Variants in CCDC144A observed in about 807,000 individuals in gnomAD.
CCDC144A encodes the protein coiled-coil domain containing 144A.
A neutral mutation model predicts 143.8 loss-of-function variants in CCDC144A; 41 were observed. The ratio of observed to expected loss-of-function variants is 0.29; its 90% CI spans 0.22 to 0.37. The LOEUF (loss-of-function observed/expected upper bound fraction) is 0.37, where lower values mean the gene tolerates loss of function less well. Among genes scored for constraint, CCDC144A ranks in the 10% least tolerant of loss-of-function variants. CCDC144A has a pLI of 1.00. For missense variants in CCDC144A, 637 were observed against 1,488.8 expected (o/e 0.43, Z 9.41); for synonymous variants, 242 against 517.9 (o/e 0.47, Z 7.23).
intron 6 of CCDC144A, among the ~76,000 whole-genome samples, chr17:16,713,393 AAC>A (rs1322845620): frequency 6.6e-6 from 1 of 152,046 alleles, no homozygotes; most frequent in African/African-American, 2.4e-5. Flanking sequence ...TTCAGTAGGA[AAC>A]ACACCATATT....
chr17:16,761,233 G>A (rs1381966182), intron 12 of CCDC144A, among the ~76,000 whole-genome samples, 192 bp from the exon 13 acceptor site: 1 of 151,870 alleles, frequency 6.6e-6, no homozygotes, highest in African/African-American at 2.4e-5. Flanking sequence ...AGCTACTCCA[G>A]CTACGCAGGA....
At chr17:16,668,462 C>T in the CCDC144A span, among the ~76,000 whole-genome samples, 8 of 152,216 alleles carry the variant, frequency 5.3e-5, no homozygotes, top group African/African-American at 1.2e-4. Context: ...AAAACTACTT[C>T]GTTATGAAGA....
Position 16,690,325 on chromosome 17 carries a change from C to T in CCDC144A, c.-76C>T. On this transcript the variant is annotated 5_prime_UTR_variant, in exon 1 of 17. Transcript: ENST00000399273. ...GCTTGGCTTGGCATTTCTGGCTTGG[C>T]GGTCCTCCTTTCGCAGATTGGAAAC... is the stretch of plus-strand genomic sequence containing the variant. 3.4e-6 allele frequency: 4 copies of T among 1,184,006 alleles called. No homozygotes were observed. Among genetic ancestry groups the T allele is most frequent in the African/African-American group, 1.5e-5 (1 of 64,806 alleles). 73.3% of individuals were successfully genotyped at this position (1,184,006 alleles called of 1,614,324 possible).
At chr17:16,698,549 G>C (rs1040137224) in intron 2 of CCDC144A, among the ~76,000 whole-genome samples, 1 of 152,104 alleles carries the variant, frequency 6.6e-6, no homozygotes, top group Non-Finnish European at 1.5e-5. Context: ...GTGAGTTAAT[G>C]TACCACCATT....
rs147844859 is a variant in CCDC144A, at chr17:16,769,311, G to A, written c.4099-2666G>A. Among the ~76,000 whole-genome samples, 31 of 152,356 alleles carry A rather than the reference G, an allele frequency of 2.0e-4. No homozygotes were observed. In the East Asian group the frequency reaches 5.8e-3, roughly 28 times the overall value. On this transcript the variant is annotated intron_variant, in intron 15 of 16. Coordinates refer to ENST00000399273, the MANE Select transcript of CCDC144A (RefSeq NM_001382000.1). ...CAAGAGGAAGCTGTAGGTAGAGAGA[G>A]TCTAAGTCCTCATTTGAAACCTGAG...
intron 1 of CCDC144A, 54 bp downstream of exon 1, chr17:16,690,798 G>A (rs1911019842): frequency 6.5e-7 from 1 of 1,527,738 alleles, no homozygotes; most frequent in Non-Finnish European, 8.8e-7. Flanking sequence ...GCTTTCTGGT[G>A]CCCGCAGGCC....
Position 16,771,963 on chromosome 17 carries a change from T to A in CCDC144A, c.4099-14T>A. ...TCTTCTTAAACGTTATAAATAATAT[T>A]TGACTTATTTCAGATGCAGCAGAAG... is the stretch of plus-strand genomic sequence containing the variant. On this transcript the variant is annotated splice_polypyrimidine_tract_variant and intron_variant, in intron 15 of 16. Coordinates refer to ENST00000399273, the MANE Select transcript of CCDC144A (RefSeq NM_001382000.1). 1.3e-6 allele frequency: 2 copies of A among 1,519,542 alleles called. No homozygotes were observed. The highest frequency in any genetic ancestry group is 1.8e-6 in the Non-Finnish European group (2 of 1,122,544). 94.1% of individuals were successfully genotyped at this position (1,519,542 alleles called of 1,614,324 possible).
chr17:16,721,017 T>G (rs1223591218), intron 8 of CCDC144A, among the ~76,000 whole-genome samples: 1 of 152,198 alleles, frequency 6.6e-6, no homozygotes, highest in Admixed American at 6.5e-5. Flanking sequence ...TAATGATAAA[T>G]TTTTAAAAAT....
At chr17:16,747,967 C>T (rs141738019) in intron 12 of CCDC144A, among the ~76,000 whole-genome samples, 3 of 152,226 alleles carry the variant, frequency 2.0e-5, no homozygotes, top group East Asian at 3.9e-4. Flanking sequence ...TGAATACATA[C>T]GGTGAGAGTG....
chr17:16,711,245 C>G (rs886257946), intron 5 of CCDC144A, among the ~76,000 whole-genome samples: 1 of 150,182 alleles, frequency 6.7e-6, no homozygotes, highest in African/African-American at 2.5e-5. Flanking sequence ...GTTGTATCCT[C>G]TCAATCTGGC....
rs550853338 is a variant in CCDC144A at position 16,764,159 on chromosome 17, A to T, written c.4082A>T (p.Glu1361Val). 1.2e-6 allele frequency: 2 copies of T among 1,603,518 alleles called. No homozygotes were observed. Among genetic ancestry groups the T allele is most frequent in the African/African-American group, 1.3e-5 (1 of 74,844 alleles). The change falls in exon 15 of 17, where the codon GAG becomes GTG. Residue 1361 changes from glutamate (E) to valine (V), a missense_variant. Coordinates refer to ENST00000399273, the MANE Select transcript of CCDC144A (RefSeq NM_001382000.1). ...AAGAGGTCTGCTCTTAAGGACATGGAGAGCTACTTGTTGAAGGTTAGCTAT... is the reference window on the plus strand; with the variant it reads ...AAGAGGTCTGCTCTTAAGGACATGGTGAGCTACTTGTTGAAGGTTAGCTAT... ...RKKRSALKDM[E>V]SYLLKMQQKL...
At chr17:16,724,434 C>A (rs1362379189) in intron 8 of CCDC144A, among the ~76,000 whole-genome samples, 1 of 149,184 alleles carries the variant, frequency 6.7e-6, no homozygotes, top group Non-Finnish European at 1.5e-5. Flanking sequence ...GGCGTGAACC[C>A]GGGAGGCGGA....
At chr17:16,759,497 T>A (rs2143359733) in intron 12 of CCDC144A, among the ~76,000 whole-genome samples, 1 of 152,144 alleles carries the variant, frequency 6.6e-6, no homozygotes, top group South Asian at 2.1e-4. Flanking sequence ...CTGGTTCTTT[T>A]ATATGTAGTA....
chr17:16,699,959 A>T (rs1333061548), intron 2 of CCDC144A, among the ~76,000 whole-genome samples: 5 of 152,166 alleles, frequency 3.3e-5, no homozygotes, highest in African/African-American at 4.8e-5. Context: ...TATTCTGTGA[A>T]ATTACCTTCT....
rs773392995 is a variant in CCDC144A at position 16,762,482 on chromosome 17, T to G, written c.3836T>G (p.Leu1279Arg). The change falls in exon 14 of 17, where the codon CTC (leucine) becomes CGC (arginine). Residue 1279 changes from leucine (L) to arginine (R), a missense_variant. Leu to Arg is a moderately radical substitution (Grantham distance 102, BLOSUM62 -2). Transcript: ENST00000399273. ...ACCGAATTGGAAAGATATAAGGAAC[T>G]CTACCTAGAAGAAGTGAAAGTTAGA... Reference protein sequence around the residue: ...NKTELERYKELYLEEVKVRES... With the variant: ...NKTELERYKERYLEEVKVRES... 6.3e-7 allele frequency: 1 copy of G among 1,594,954 alleles called. No individual in the cohort carries two copies. The highest frequency in any genetic ancestry group is 2.3e-5 in the East Asian group (1 of 43,688).
rs545470909 is a variant in CCDC144A, at chr17:16,752,235, G to A, written c.3373-9190G>A. On this transcript the variant is annotated intron_variant, in intron 12 of 16. Coordinates refer to ENST00000399273, the MANE Select transcript of CCDC144A (RefSeq NM_001382000.1). ...GCGAGCCGTGTTGTGAACTGTGCAC[G>A]TGAGGGATCTAGGTTGCGTGCTCCT... Among the ~76,000 whole-genome samples, 74 of 152,300 alleles carry A rather than the reference G, an allele frequency of 4.9e-4. No individual in the cohort carries two copies. In the Middle Eastern group the frequency reaches 0.017, roughly 35 times the overall value.
At chr17:16,745,717 G>C (rs987286756) in intron 12 of CCDC144A, 37 of 1,613,890 alleles carry the variant, frequency 2.3e-5, no homozygotes, top group Non-Finnish European at 2.9e-5. Context: ...TCTCGCGCTC[G>C]GAAGTGAGCT....
chr17:16,734,981 C>G lies in CCDC144A; in HGVS notation c.2710C>G (p.Gln904Glu). 1 of 1,607,464 alleles carries G rather than the reference C, an allele frequency of 6.2e-7. No homozygotes were observed. The highest frequency in any genetic ancestry group is 8.5e-7 in the Non-Finnish European group (1 of 1,177,608). Residue 904 changes from glutamine (Q) to glutamate (E), a missense_variant, in exon 12 of 17, where the codon CAG becomes GAG. Coordinates refer to ENST00000399273, the MANE Select transcript of CCDC144A (RefSeq NM_001382000.1). ...CAATTCTGAACTGGAGAATGGGAAA[C>G]AGAACCAAGAAAGACTAGAAATAGA... The part of the protein sequence containing the change: ...ILNSELENGK[Q>E]NQERLEIEME...
intron 6 of CCDC144A, chr17:16,712,075 AG>A: frequency 2.2e-6 from 1 of 447,266 alleles, no homozygotes; most frequent in Non-Finnish European, 4.1e-6. Context: ...GGTTGTGGTG[AG>A]CTGTGATCAT....
Sources: allele counts gnomAD v4.1 joint callset (sites outside exome capture counted in the v4.1 genomes callset), GRCh38; gene constraint gnomAD v4.1.1; transcripts MANE v1.5; gene names NCBI Gene and HGNC (gene_info 2026-07-23, HGNC 2026-07-21).